PTPRK: variants seen among roughly 807,000 people sequenced by gnomAD.
The protein encoded by PTPRK is receptor-type tyrosine-protein phosphatase kappa.
A neutral mutation model predicts 178.0 loss-of-function variants in PTPRK; 75 were observed. The ratio of observed to expected loss-of-function variants is 0.42; its 90% CI spans 0.35 to 0.51. The LOEUF is 0.51. Among genes scored for constraint, PTPRK ranks in the 20% least tolerant of loss-of-function variants. The pLI, the probability that PTPRK is intolerant of heterozygous loss-of-function variation, is 0.02. For missense variants in PTPRK, 1,441 were observed against 1,797.8 expected (o/e 0.80, Z 3.59); for synonymous variants, 637 against 620.6 (o/e 1.03, Z -0.39).
At chr6:128,115,539 T>C (rs994631900) in intron 7 of PTPRK, among the ~76,000 whole-genome samples, 1 of 152,094 alleles carries the variant, frequency 6.6e-6, no homozygotes, top group Non-Finnish European at 1.5e-5. Context: ...AAGTGGTATA[T>C]AATAAAAGCC....
intron 13 of PTPRK, among the ~76,000 whole-genome samples, chr6:128,064,173 GTT>G (rs1459873550): frequency 6.6e-6 from 1 of 152,138 alleles, no homozygotes; most frequent in Non-Finnish European, 1.5e-5. Context: ...AGATGCAAAT[GTT>G]TTCTCTTGTC....
At chr6:128,283,111 G>C (rs1448098382) in intron 3 of PTPRK, among the ~76,000 whole-genome samples, 1 of 152,160 alleles carries the variant, frequency 6.6e-6, no homozygotes, top group African/African-American at 2.4e-5. Flanking sequence ...CCAGGAAGGT[G>C]AGGACAGGAA....
At chr6:128,140,400 T>C (rs1312972758) in intron 7 of PTPRK, among the ~76,000 whole-genome samples, 1 of 152,040 alleles carries the variant, frequency 6.6e-6, no homozygotes, top group Non-Finnish European at 1.5e-5. Context: ...GAATGCTTTT[T>C]AGTAGTCAAA....
chr6:128,199,989 G>A (rs1048684110), intron 6 of PTPRK, among the ~76,000 whole-genome samples: 3 of 152,112 alleles, frequency 2.0e-5, no homozygotes, highest in African/African-American at 4.8e-5. Flanking sequence ...AGCCATCTTT[G>A]TATGTTACAT....
In PTPRK at chr6:128,300,050, A is replaced by C. The variant is rs1421758857; in HGVS notation, c.495+21989T>G. On this transcript the variant is annotated intron_variant, in intron 3 of 29. Transcript: ENST00000368226. The stretch of plus-strand genomic sequence containing the variant: ...AGAAAAAAACAAACAACCCCAACAA[A>C]AAGTGGGCAAAGGACATGAACAGAC... Among the ~76,000 whole-genome samples, 4 of 152,316 alleles carry C rather than the reference A, an allele frequency of 2.6e-5. No individual in the cohort carries two copies. In the East Asian group the frequency reaches 5.8e-4, roughly 22 times the overall value.
intron 3 of PTPRK, among the ~76,000 whole-genome samples, chr6:128,256,456 T>C (rs1284166054): frequency 6.6e-6 from 1 of 151,980 alleles, no homozygotes; most frequent in African/African-American, 2.4e-5. Context: ...ATTTTTTTTT[T>C]TTTTTGAGAT....
At chr6:128,188,205 C>T (rs1411642637) in intron 6 of PTPRK, among the ~76,000 whole-genome samples, 1 of 152,056 alleles carries the variant, frequency 6.6e-6, no homozygotes, top group Non-Finnish European at 1.5e-5. Context: ...AGAACTGAAC[C>T]TATTATAAAA....
chr6:128,154,423 T>C (rs1446774495), intron 7 of PTPRK, among the ~76,000 whole-genome samples: 2 of 151,770 alleles, frequency 1.3e-5, no homozygotes. Flanking sequence ...TCGCTGACTT[T>C]AGCAATATAA....
chr6:128,013,003 G>A (rs1475141457), intron 13 of PTPRK, among the ~76,000 whole-genome samples: 3 of 149,648 alleles, frequency 2.0e-5, no homozygotes, highest in Non-Finnish European at 4.5e-5. Context: ...GCAGGCTTAT[G>A]TCCCCCATCC....
intron 1 of PTPRK, among the ~76,000 whole-genome samples, chr6:128,484,787 T>C (rs1353010044): frequency 6.6e-6 from 1 of 152,194 alleles, no homozygotes; most frequent in Non-Finnish European, 1.5e-5. Context: ...ATAGTGTCCT[T>C]GAAAATAAAT....
chr6:128,326,031 A>G (rs560102437), intron 2 of PTPRK, among the ~76,000 whole-genome samples: 7 of 152,290 alleles, frequency 4.6e-5, no homozygotes, highest in Non-Finnish European at 7.4e-5. Flanking sequence ...GACATGGATG[A>G]AGTTGAAAAC....
intron 2 of PTPRK, among the ~76,000 whole-genome samples, chr6:128,364,752 A>G (rs1390668623): frequency 6.6e-6 from 1 of 152,102 alleles, no homozygotes; most frequent in African/African-American, 2.4e-5. Context: ...AAACTTGTAC[A>G]TTTTTAAGAA....
At chr6:128,471,083 T>C (rs992266306) in intron 1 of PTPRK, among the ~76,000 whole-genome samples, 17 of 152,044 alleles carry the variant, frequency 1.1e-4, no homozygotes, top group Non-Finnish European at 1.9e-4. Flanking sequence ...AAGGACATCA[T>C]TTAAAAGCAA....
At chr6:128,057,703 T>C (rs1488683684) in intron 13 of PTPRK, among the ~76,000 whole-genome samples, 1 of 152,202 alleles carries the variant, frequency 6.6e-6, no homozygotes, top group Non-Finnish European at 1.5e-5. Flanking sequence ...TTCTGCTTTG[T>C]ATCCTTTCAC....
At chr6:128,107,358 T>C (rs1583035576) in intron 7 of PTPRK, among the ~76,000 whole-genome samples, 1 of 152,158 alleles carries the variant, frequency 6.6e-6, no homozygotes, top group Non-Finnish European at 1.5e-5. Flanking sequence ...ATTGTTTGTA[T>C]ACATTTTCTA....
intron 2 of PTPRK, among the ~76,000 whole-genome samples, chr6:128,380,568 G>A (rs1458700746): frequency 1.3e-5 from 2 of 151,368 alleles, no homozygotes; most frequent in East Asian, 3.9e-4. Flanking sequence ...GTGTGTGTGT[G>A]TGTGTGTATG....
chr6:128,441,603 T>C (rs1047213151), intron 1 of PTPRK, among the ~76,000 whole-genome samples: 10 of 152,106 alleles, frequency 6.6e-5, no homozygotes, highest in African/African-American at 2.2e-4. Flanking sequence ...CTAGATAGTG[T>C]AGAAAAAAGC....
At chr6:128,397,347 A>G (rs1201241502) in intron 2 of PTPRK, among the ~76,000 whole-genome samples, 1 of 152,038 alleles carries the variant, frequency 6.6e-6, no homozygotes, top group Non-Finnish European at 1.5e-5. Flanking sequence ...AGAAAAAAAC[A>G]CTAATACTTA....
Position 127,973,870 on chromosome 6 carries a change from A to G in PTPRK, c.3970-43T>C, listed in dbSNP as rs746230958. 1.1e-5 allele frequency: 17 copies of G among 1,570,410 alleles called. No homozygotes were observed. The South Asian group carries it at 1.8e-4, about 17-fold the overall frequency. ...TTTATGTAAATACGCTGGGACTACAATTTTTACTAAAAAGTAAAAGGTGCA... is the reference window on the plus strand; with the variant it reads ...TTTATGTAAATACGCTGGGACTACAGTTTTTACTAAAAAGTAAAAGGTGCA... On this transcript the variant is annotated intron_variant, in intron 27 of 29. Coordinates refer to ENST00000368226, the MANE Select transcript of PTPRK (RefSeq NM_002844.4).
Sources: allele counts gnomAD v4.1 joint callset (sites outside exome capture counted in the v4.1 genomes callset), GRCh38; gene constraint gnomAD v4.1.1; transcripts MANE v1.5; gene names NCBI Gene and HGNC (gene_info 2026-07-23, HGNC 2026-07-21).